The following MARCHF10 variants were observed in gnomAD, a reference collection of about 807,000 sequenced individuals.
MARCHF10 encodes probable E3 ubiquitin-protein ligase MARCHF10.
In MARCHF10, 64 loss-of-function variants were observed where a neutral mutation model predicts 76.2. The ratio of observed to expected loss-of-function variants is 0.84; its 90% CI spans 0.69 to 1.03. The LOEUF is 1.03. MARCHF10 is among the 50% of genes least tolerant of loss of function. The pLI, the probability that MARCHF10 is intolerant of heterozygous loss-of-function variation, is 0.00. For synonymous variants in MARCHF10, 340 were observed against 357.5 expected, an observed-to-expected ratio of 0.95 and a Z score of 0.55; for missense variants, 875 against 958.0, an observed-to-expected ratio of 0.91 and a Z score of 1.14.
At chr17:62,714,093 C>T (rs1232264655) in intron 8 of MARCHF10, among the ~76,000 whole-genome samples, 3 of 152,244 alleles carry the variant, frequency 2.0e-5, no homozygotes, top group Non-Finnish European at 4.4e-5. Flanking sequence ...CTGAGGACAT[C>T]TGTCCTTGGC....
chr17:62,751,116 C>A (rs1268031727), intron 4 of MARCHF10, among the ~76,000 whole-genome samples: 1 of 152,192 alleles, frequency 6.6e-6, no homozygotes, highest in Non-Finnish European at 1.5e-5. Context: ...CTCGTTGAAG[C>A]TGATGATCTG....
chr17:62,703,007 C>A (rs954067835), intron 10 of MARCHF10, among the ~76,000 whole-genome samples: 2 of 152,222 alleles, frequency 1.3e-5, no homozygotes, highest in Admixed American at 6.5e-5. Context: ...CCCACCACCC[C>A]TTGTCTTGGT....
chr17:62,705,353 C>A, intron 10 of MARCHF10, 186 bp downstream of exon 10: 1 of 1,514,450 alleles, frequency 6.6e-7, no homozygotes, highest in Non-Finnish European at 8.8e-7. Context: ...TGCTCTGCAT[C>A]CAGTGAACTT....
chr17:62,802,680 C>T (rs1282699078), intron 1 of MARCHF10, among the ~76,000 whole-genome samples: 1 of 152,164 alleles, frequency 6.6e-6, no homozygotes, highest in Non-Finnish European at 1.5e-5. Flanking sequence ...TAGGCAATGA[C>T]ACTGGGTTTG....
At chr17:62,737,740 C>T (rs562517232) in intron 5 of MARCHF10, 39 of 184,636 alleles carry the variant, frequency 2.1e-4, no homozygotes, top group African/African-American at 4.8e-4. Flanking sequence ...TTCTCATCCA[C>T]GTTCATTCAA....
chr17:62,806,980 T>TA (rs2093173910), intron 1 of MARCHF10, among the ~76,000 whole-genome samples: 1 of 152,224 alleles, frequency 6.6e-6, no homozygotes, highest in African/African-American at 2.4e-5. Flanking sequence ...AAAGGAAATG[T>TA]AAACAATCTA....
intron 10 of MARCHF10, among the ~76,000 whole-genome samples, chr17:62,702,229 C>T (rs908503095): frequency 2.0e-5 from 3 of 151,882 alleles, no homozygotes; most frequent in South Asian, 2.1e-4. Flanking sequence ...GGCACTGGGA[C>T]GCAGTGCAGT....
chr17:62,744,352 G>A lies in MARCHF10; in HGVS notation c.535+24C>T, dbSNP rs201867014. 1.9e-6 allele frequency: 3 copies of A among 1,602,698 alleles called. No homozygotes were observed. The East Asian group carries it at 6.7e-5, about 36-fold the overall frequency. The stretch of plus-strand genomic sequence containing the variant: ...ATCAGTCCTCCTCTCCAAGGACAAA[G>A]GTTCGGGAGCCCCGGGTCCTTACCT... On this transcript the variant is annotated intron_variant, in intron 5 of 10. Coordinates refer to ENST00000311269, the MANE Select transcript of MARCHF10 (RefSeq NM_152598.4).
At position 62,736,140 on chromosome 17, in the gene MARCHF10, G is replaced by A. The variant is rs754217145; in HGVS notation, c.1728C>T (p.Ser576=). The A allele has an allele frequency of 3.7e-6, 6 of 1,614,068 alleles. No homozygotes were observed. Among genetic ancestry groups the A allele is most frequent in the African/African-American group, 2.7e-5 (2 of 74,916 alleles). ...AGTTCATTCTTGATGGAGAGGAGCT[G>A]GAAGAATCCACTAAGGACAAATTGC... ...PQGNLSLVDS[S]SSSPSRMNSE... The change falls in exon 6 of 11, where the codon TCC becomes TCT. Residue 576 remains serine (S), a synonymous_variant. Transcript: ENST00000311269.
At chr17:62,796,162 C>T (rs2092982106) in intron 2 of MARCHF10, among the ~76,000 whole-genome samples, 3 of 152,060 alleles carry the variant, frequency 2.0e-5, no homozygotes, top group African/African-American at 7.2e-5. Flanking sequence ...CACCACCACA[C>T]CCGTCTAGTT....
chr17:62,752,373 C>A (rs2091922180), intron 4 of MARCHF10, among the ~76,000 whole-genome samples: 1 of 152,152 alleles, frequency 6.6e-6, no homozygotes, highest in Non-Finnish European at 1.5e-5. Context: ...GGGCAGGAGA[C>A]CTGGGTCCCC....
chr17:62,765,713 T>G lies in MARCHF10; in HGVS notation c.211-5707A>C, dbSNP rs77207032. 4.6e-4 allele frequency among the ~76,000 whole-genome samples: 70 copies of G among 152,302 alleles called. 1 individual carries two copies. The highest frequency in any genetic ancestry group is 1.7e-3 in the African/African-American group (69 of 41,564). On this transcript the variant is annotated intron_variant, in intron 3 of 10. Transcript: ENST00000311269. ...CAAGCAGGACGTGCTAGGTACTTCT[T>G]ATGATGCCAGGCAATCCTTTGTGTG...
chr17:62,705,807 C>T (rs896569817), intron 9 of MARCHF10, among the ~76,000 whole-genome samples: 2 of 152,096 alleles, frequency 1.3e-5, no homozygotes, highest in African/African-American at 2.4e-5. Context: ...TTTGCTGTCT[C>T]GGGCTTCTAA....
intron 3 of MARCHF10, among the ~76,000 whole-genome samples, chr17:62,763,514 AAATTTT>A (rs2092260207): frequency 6.6e-6 from 1 of 152,224 alleles, no homozygotes; most frequent in South Asian, 2.1e-4. Context: ...ATAATAATTA[AAATTTT>A]AATTTTAAAG....
chr17:62,771,387 G>C (rs2092444123), intron 3 of MARCHF10, among the ~76,000 whole-genome samples: 2 of 151,890 alleles, frequency 1.3e-5, no homozygotes, highest in South Asian at 4.2e-4. Flanking sequence ...GTGCAAAGGT[G>C]CTCTATCAGG....
At chr17:62,775,152 G>GTTT (rs2092526078) in intron 3 of MARCHF10, among the ~76,000 whole-genome samples, 1 of 132,444 alleles carries the variant, frequency 7.6e-6, no homozygotes, top group African/African-American at 2.7e-5. Context: ...TTCAGATGAA[G>GTTT]TCTCACTCTC....
At chr17:62,775,503 C>G (rs978703322) in intron 3 of MARCHF10, among the ~76,000 whole-genome samples, 1 of 137,296 alleles carries the variant, frequency 7.3e-6, no homozygotes, top group Middle Eastern at 3.5e-3. Flanking sequence ...CACTGTCAGC[C>G]ACTCGGGGGG....
In MARCHF10 at chr17:62,736,731, C is replaced by G; in HGVS notation, c.1137G>C (p.Leu379=). ...AGQRLSQDPG[L]PDRESATEKD... ...TCTCTGTAGCAGATTCCCTATCAGG[C>G]AGCCCGGGGTCTTGGGACAACCTTT... The change falls in exon 6 of 11, where the codon CTG becomes CTC. Residue 379 remains leucine (L), a synonymous_variant. Transcript: ENST00000311269. The G allele has an allele frequency of 6.2e-7, 1 of 1,614,164 alleles. No individual in the cohort carries two copies. The highest frequency in any genetic ancestry group is 1.7e-5 in the Admixed American group (1 of 60,012).
At chr17:62,748,657 C>T (rs181647285) in intron 4 of MARCHF10, among the ~76,000 whole-genome samples, 3 of 152,004 alleles carry the variant, frequency 2.0e-5, no homozygotes, top group Non-Finnish European at 4.4e-5. Flanking sequence ...GGCAAGAGGA[C>T]CATTTGAGCC....
Sources: allele counts gnomAD v4.1 joint callset (sites outside exome capture counted in the v4.1 genomes callset), GRCh38; gene constraint gnomAD v4.1.1; transcripts MANE v1.5; gene names NCBI Gene and HGNC (gene_info 2026-07-23, HGNC 2026-07-21).